The following TMEM132D variants were observed in gnomAD, a reference collection of about 807,000 sequenced individuals.
TMEM132D encodes the protein mature OL transmembrane protein.
A neutral mutation model predicts 62.3 loss-of-function variants in TMEM132D; 21 were observed. That is an observed-to-expected ratio of 0.34 (90% CI 0.24 to 0.49). TMEM132D has a LOEUF of 0.49. Ranked by LOEUF, TMEM132D falls within the 20% of genes least tolerant of loss-of-function variation. The probability of loss-of-function intolerance (pLI) is 0.99; values close to 1 mark genes in which losing one functional copy is unlikely to be tolerated. For synonymous variants in TMEM132D, 621 were observed against 575.6 expected (o/e 1.08, Z -1.13); for missense variants, 1,346 against 1,402.8 (o/e 0.96, Z 0.65).
At chr12:129,756,992 C>A (rs575710374) in intron 1 of TMEM132D, among the ~76,000 whole-genome samples, 82 of 152,232 alleles carry the variant, frequency 5.4e-4, no homozygotes, top group African/African-American at 1.9e-3. Context: ...CCTTTCCAAC[C>A]AATGCTATTC....
At chr12:129,815,632 A>C (rs1872323396) in intron 1 of TMEM132D, among the ~76,000 whole-genome samples, 1 of 152,160 alleles carries the variant, frequency 6.6e-6, no homozygotes, top group Non-Finnish European at 1.5e-5. Context: ...TCAAGGACTT[A>C]ATTTTTCTTT....
chr12:129,437,067 T>C (rs1432737951), intron 3 of TMEM132D, among the ~76,000 whole-genome samples: 4 of 152,166 alleles, frequency 2.6e-5, no homozygotes, highest in African/African-American at 7.2e-5. Context: ...GTTGGGGACA[T>C]GTCTTCTAGC....
At chr12:129,588,177 A>G (rs1334471365) in intron 2 of TMEM132D, among the ~76,000 whole-genome samples, 5 of 152,238 alleles carry the variant, frequency 3.3e-5, no homozygotes, top group African/African-American at 1.2e-4. Context: ...AAAGTTCCAT[A>G]TATCAAGATC....
At chr12:129,731,894 C>T (rs966061233) in intron 1 of TMEM132D, among the ~76,000 whole-genome samples, 1 of 152,164 alleles carries the variant, frequency 6.6e-6, no homozygotes, top group Non-Finnish European at 1.5e-5. Context: ...GATCTCCTGA[C>T]CTTGTGAACC....
At chr12:129,790,950 T>C (rs971122849) in intron 1 of TMEM132D, among the ~76,000 whole-genome samples, 1 of 152,222 alleles carries the variant, frequency 6.6e-6, no homozygotes, top group East Asian at 1.9e-4. Context: ...AATTGCTGCA[T>C]TTGTTTTCAA....
At chr12:129,501,645 T>C (rs1368834772) in intron 3 of TMEM132D, among the ~76,000 whole-genome samples, 1 of 151,980 alleles carries the variant, frequency 6.6e-6, no homozygotes, top group African/African-American at 2.4e-5. Context: ...GCTGGGCCTA[T>C]AGATGCACAC....
intron 2 of TMEM132D, among the ~76,000 whole-genome samples, chr12:129,698,855 C>A (rs1319466676): frequency 6.6e-6 from 1 of 151,348 alleles, no homozygotes; most frequent in African/African-American, 2.4e-5. Context: ...GCCATAAATC[C>A]CATATGAAGG....
intron 4 of TMEM132D, among the ~76,000 whole-genome samples, chr12:129,226,573 C>T (rs993251312): frequency 6.6e-6 from 1 of 152,214 alleles, no homozygotes; most frequent in Admixed American, 6.5e-5. Flanking sequence ...ACACCTAAGC[C>T]AGAGGGCGAA....
rs527444354 is a variant in TMEM132D at position 129,576,488 on chromosome 12, A to C, written c.969-45283T>G. The stretch of plus-strand genomic sequence containing the variant: ...AACATATATGCATACATATGTGTAC[A>C]TATATCTGTTTACATAAATATATAC... On this transcript the variant is annotated intron_variant, in intron 2 of 8. Transcript: ENST00000422113. 1.3e-4 allele frequency among the ~76,000 whole-genome samples: 19 copies of C among 151,980 alleles called. 1 individual carries two copies. The highest frequency in any genetic ancestry group is 4.6e-4 in the African/African-American group (19 of 41,240).
At chr12:129,715,319 G>T (rs1593132038) in intron 1 of TMEM132D, among the ~76,000 whole-genome samples, 1 of 152,152 alleles carries the variant, frequency 6.6e-6, no homozygotes, top group African/African-American at 2.4e-5. Context: ...CCCAGGCCAA[G>T]TTCATGCTGA....
intron 3 of TMEM132D, among the ~76,000 whole-genome samples, chr12:129,493,649 A>T (rs1459789825): frequency 6.6e-6 from 1 of 152,238 alleles, no homozygotes; most frequent in Non-Finnish European, 1.5e-5. Context: ...TGGACTGGTT[A>T]TCATGTGCTA....
intron 1 of TMEM132D, among the ~76,000 whole-genome samples, chr12:129,715,346 A>G (rs192357386): frequency 1.2e-3 from 185 of 152,310 alleles, no homozygotes; most frequent in Non-Finnish European, 2.0e-3. Context: ...AGGCCAACTC[A>G]GGATCAGGAA....
chr12:129,158,471 G>A (rs574331792), intron 5 of TMEM132D, among the ~76,000 whole-genome samples: 2 of 152,342 alleles, frequency 1.3e-5, no homozygotes, highest in South Asian at 4.1e-4. Flanking sequence ...ACAGACAACT[G>A]GAACTCAGAA....
intron 5 of TMEM132D, among the ~76,000 whole-genome samples, chr12:129,149,471 T>C (rs1326921955): frequency 1.3e-5 from 2 of 152,154 alleles, no homozygotes; most frequent in African/African-American, 4.8e-5. Context: ...TACCCCACAT[T>C]TTTATGACTG....
At chr12:129,891,471 G>A (rs1440205582) in intron 1 of TMEM132D, among the ~76,000 whole-genome samples, 3 of 152,146 alleles carry the variant, frequency 2.0e-5, no homozygotes, top group South Asian at 2.1e-4. Flanking sequence ...CGTTGGGTGC[G>A]GCTGAAATTG....
chr12:129,272,777 T>C (rs1880888543), intron 4 of TMEM132D, among the ~76,000 whole-genome samples: 1 of 151,712 alleles, frequency 6.6e-6, no homozygotes, highest in Non-Finnish European at 1.5e-5. Flanking sequence ...AGTAACAAAA[T>C]AGGCCAGGCA....
intron 1 of TMEM132D, among the ~76,000 whole-genome samples, chr12:129,728,731 G>GCTT (rs746581438): frequency 3.3e-5 from 5 of 152,184 alleles, no homozygotes; most frequent in Non-Finnish European, 7.3e-5. Flanking sequence ...TGGTAAAGGG[G>GCTT]CTTCTGTAGT....
At chr12:129,470,819 AAC>A (rs1197450995) in intron 3 of TMEM132D, among the ~76,000 whole-genome samples, 4 of 152,178 alleles carry the variant, frequency 2.6e-5, no homozygotes, top group Non-Finnish European at 4.4e-5. Flanking sequence ...TGTCCTTAGA[AAC>A]ACAGAGGAAG....
intron 1 of TMEM132D, among the ~76,000 whole-genome samples, chr12:129,760,323 CTTTTTTTTTT>C (rs71082753): frequency 0.029 from 3,316 of 115,448 alleles, 79 homozygotes; most frequent in East Asian, 0.12. Context: ...AAGCCACTTT[CTTTTTTTTTT>C]TTTTTTTTTT....
Sources: allele counts gnomAD v4.1 joint callset (sites outside exome capture counted in the v4.1 genomes callset), GRCh38; gene constraint gnomAD v4.1.1; transcripts MANE v1.5; gene names NCBI Gene and HGNC (gene_info 2026-07-23, HGNC 2026-07-21).